The following VPS13C variants were observed in gnomAD, a reference collection of about 807,000 sequenced individuals.
VPS13C encodes the protein vacuolar protein sorting 13 homolog C, also known as intermembrane lipid transfer protein VPS13C.
A neutral mutation model predicts 456.8 loss-of-function variants in VPS13C; 358 were observed. That is an observed-to-expected ratio of 0.78 (90% CI 0.72 to 0.86). VPS13C has a LOEUF of 0.86. Ranked by LOEUF, VPS13C falls within the 40% of genes least tolerant of loss-of-function variation. The pLI is 0.00. For missense variants in VPS13C, 4,818 were observed against 4,385.4 expected, an observed-to-expected ratio of 1.10 and a Z score of -2.79; for synonymous variants, 1,578 against 1,486.7, an observed-to-expected ratio of 1.06 and a Z score of -1.41.
At chr15:61,859,570 C>T (rs1214662864) in intron 82 of VPS13C, among the ~76,000 whole-genome samples, 2 of 152,070 alleles carry the variant, frequency 1.3e-5, no homozygotes, top group African/African-American at 2.4e-5. Context: ...TCTAGTTTAC[C>T]TATGCAAGAG....
chr15:61,888,857 T>C (rs1896461751), intron 67 of VPS13C, among the ~76,000 whole-genome samples: 2 of 152,244 alleles, frequency 1.3e-5, no homozygotes, highest in South Asian at 4.1e-4. Context: ...ATATAGAAGT[T>C]AGATAATAAT....
chr15:61,882,698 A>C lies in VPS13C; in HGVS notation c.9522T>G (p.Pro3174=), dbSNP rs764959676. The C allele has an allele frequency of 1.3e-6, 2 of 1,590,434 alleles. No homozygotes were observed. Among genetic ancestry groups the C allele is most frequent in the Non-Finnish European group, 1.7e-6 (2 of 1,170,428 alleles). ...FDKDPMEMRL[P]IRSPIKRDFL... is the part of the protein sequence containing the mutation. ...AGTCTCGTTTAATAGGGCTACGAAT[A>C]GGGAGGCGCATTTCCATTGGATCTT... The change falls in exon 69 of 85, where the codon CCT becomes CCG. Residue 3174 remains proline, a synonymous_variant. Transcript: ENST00000644861.
chr15:62,019,100 G>A (rs571530110), intron 9 of VPS13C, among the ~76,000 whole-genome samples: 1 of 152,160 alleles, frequency 6.6e-6, no homozygotes, highest in South Asian at 2.1e-4. Flanking sequence ...ATTCTCTGAT[G>A]GTAGTTTTGT....
chr15:62,048,372 C>A (rs931145852), intron 1 of VPS13C, among the ~76,000 whole-genome samples: 1 of 147,162 alleles, frequency 6.8e-6, no homozygotes, highest in African/African-American at 2.5e-5. Flanking sequence ...TTTGTCCTTG[C>A]GATAGTTTAC....
intron 79 of VPS13C, 127 bp from the exon 80 acceptor site, chr15:61,869,750 A>G (rs905378598): frequency 7.0e-5 from 104 of 1,479,530 alleles, no homozygotes; most frequent in Non-Finnish European, 8.4e-5. Context: ...GGCTTTCTAA[A>G]GAAGTTAAAT....
At chr15:61,991,928 A>C in intron 16 of VPS13C, 126 bp from the exon 17 acceptor site, 2 of 1,040,966 alleles carry the variant, frequency 1.9e-6, no homozygotes, top group Non-Finnish European at 2.7e-6. Context: ...GCACCAGTCA[A>C]GATCTTAAAT....
rs377394944 is a variant in VPS13C, at chr15:61,942,007, C to T, written c.5209G>A (p.Ala1737Thr). 4.3e-6 allele frequency: 7 copies of T among 1,613,718 alleles called. No homozygotes were observed. The highest frequency in any genetic ancestry group is 5.9e-6 in the Non-Finnish European group (7 of 1,179,782). ...EALSTATVQAAERAASSMKDL... is the reference protein window; with the variant it reads ...EALSTATVQATERAASSMKDL... ...TTCATGCTGGAAGCAGCTCTTTCTGCAGCCTGGACTGTGGCTGTACTCAAA... is the reference window on the plus strand; with the variant it reads ...TTCATGCTGGAAGCAGCTCTTTCTGTAGCCTGGACTGTGGCTGTACTCAAA... Residue 1737 changes from alanine to threonine, a missense_variant, in exon 46 of 85, where the codon GCA becomes ACA. This residue lies in a region of VPS13C where 4,552 missense variants were observed against 4,130.6 expected (regional missense o/e 1.10). Transcript: ENST00000644861.
intron 67 of VPS13C, among the ~76,000 whole-genome samples, chr15:61,888,044 C>T (rs1317890790): frequency 6.6e-6 from 1 of 152,132 alleles, no homozygotes; most frequent in Non-Finnish European, 1.5e-5. Context: ...AAGATTTGAA[C>T]AGGTGGCTCA....
At chr15:61,877,852 C>T (rs753537370) in intron 74 of VPS13C, among the ~76,000 whole-genome samples, 1 of 151,808 alleles carries the variant, frequency 6.6e-6, no homozygotes, top group Non-Finnish European at 1.5e-5. Flanking sequence ...TTCCCTTTTG[C>T]GAATTATCTC....
At chr15:62,002,940 A>T (rs28891113) in intron 15 of VPS13C, among the ~76,000 whole-genome samples, 3,485 of 152,244 alleles carry the variant, frequency 0.023, 49 homozygotes, top group Non-Finnish European at 0.029. Flanking sequence ...GTATAGTTTG[A>T]AGTCAGGTAG....
intron 81 of VPS13C, chr15:61,866,887 C>G: frequency 2.0e-6 from 2 of 981,666 alleles, no homozygotes; most frequent in Non-Finnish European, 2.4e-6. Flanking sequence ...AAATATACAA[C>G]ACATTAAATC....
intron 58 of VPS13C, among the ~76,000 whole-genome samples, chr15:61,918,973 C>A (rs928898089): frequency 6.6e-6 from 1 of 151,984 alleles, no homozygotes; most frequent in Non-Finnish European, 1.5e-5. Context: ...ACTACAATTA[C>A]AATAATCCTC....
In VPS13C at chr15:62,060,264, C is replaced by G; in HGVS notation, c.100+11G>C. The G allele has an allele frequency of 6.3e-7, 1 of 1,587,084 alleles. No individual in the cohort carries two copies. Among genetic ancestry groups the G allele is most frequent in the Non-Finnish European group, 8.6e-7 (1 of 1,162,326 alleles). On this transcript the variant is annotated intron_variant, in intron 1 of 84. Transcript: ENST00000644861. ...GCGCCCGCAGCCCACTGGCCGCGCCCTCTCGCTTACCGCCCCAGATGCCCA... is the reference window on the plus strand; with the variant it reads ...GCGCCCGCAGCCCACTGGCCGCGCCGTCTCGCTTACCGCCCCAGATGCCCA...
At chr15:61,930,786 G>T (rs1389786010) in intron 50 of VPS13C, among the ~76,000 whole-genome samples, 4 of 152,104 alleles carry the variant, frequency 2.6e-5, no homozygotes, top group Non-Finnish European at 4.4e-5. Context: ...TGCCTACTGG[G>T]AATAATTTAG....
chr15:61,890,121 T>A (rs1307630226), intron 67 of VPS13C, 44 bp downstream of exon 67: 2 of 1,579,792 alleles, frequency 1.3e-6, no homozygotes, highest in African/African-American at 2.7e-5. Flanking sequence ...ATGAACTTAA[T>A]GCCTTTTAAA....
At chr15:61,977,036 T>A in intron 24 of VPS13C, 46 bp downstream of exon 24, 2 of 1,339,032 alleles carry the variant, frequency 1.5e-6, no homozygotes, top group Non-Finnish European at 2.1e-6. Flanking sequence ...GATGCAGACA[T>A]ATTTCACCTG....
chr15:61,887,610 G>A (rs1277448274), intron 67 of VPS13C, among the ~76,000 whole-genome samples: 2 of 152,162 alleles, frequency 1.3e-5, no homozygotes, highest in Middle Eastern at 3.2e-3. Context: ...AGGATTGCTT[G>A]AGCATAGTTG....
At chr15:62,016,007 CTT>C (rs2047234225) in intron 9 of VPS13C, among the ~76,000 whole-genome samples, 1 of 142,894 alleles carries the variant, frequency 7.0e-6, no homozygotes, top group Non-Finnish European at 1.5e-5. Context: ...ACTGCCTTTC[CTT>C]TGTTTCTTCA....
At chr15:62,052,565 G>A (rs2048657472) in intron 1 of VPS13C, among the ~76,000 whole-genome samples, 1 of 151,000 alleles carries the variant, frequency 6.6e-6, no homozygotes, top group African/African-American at 2.4e-5. Context: ...CCTAGCTACT[G>A]TGGAGGCTGA....
Sources: gnomAD v4.1 joint callset for allele counts (sites outside exome capture counted in the v4.1 genomes callset) on GRCh38, gnomAD v4.1.1 for gene constraint, gnomAD v4.1.1 regional missense constraint, MANE v1.5 for transcripts, NCBI Gene and HGNC (gene_info 2026-07-23, HGNC 2026-07-21) for gene names.